The following SLC36A1 variants were observed in gnomAD, a reference collection of about 807,000 sequenced individuals.
The protein encoded by SLC36A1 is solute carrier family 36 member 1, also known as proton-coupled amino acid transporter 1.
In SLC36A1, 30 loss-of-function variants were observed where a neutral mutation model predicts 47.5. That is an observed-to-expected ratio of 0.63 (90% CI 0.47 to 0.86). SLC36A1 has a LOEUF of 0.86. SLC36A1 is among the 40% of genes least tolerant of loss of function. The pLI is 0.00. For synonymous variants in SLC36A1, 255 were observed against 249.7 expected (o/e 1.02, Z -0.20); for missense variants, 517 against 606.0 (o/e 0.85, Z 1.54).
chr5:151,455,687 AGTTTACTTGAACT>A (rs1754393740), intron 1 of SLC36A1, among the ~76,000 whole-genome samples: 3 of 152,230 alleles, frequency 2.0e-5, no homozygotes, highest in African/African-American at 7.2e-5. Context: ...AATTTTTAAC[AGTTTACTTGAACT>A]GTTTACTTGA....
At chr5:151,544,219 C>T in the SLC36A1 span, 145 of 1,614,052 alleles carry the variant, frequency 9.0e-5, no homozygotes, top group South Asian at 2.1e-4. Context: ...GTCACGGTTC[C>T]GCCCTGAGTC....
At chr5:151,529,861 G>T in the SLC36A1 span, among the ~76,000 whole-genome samples, 19 of 152,150 alleles carry the variant, frequency 1.2e-4, no homozygotes, top group Non-Finnish European at 2.4e-4. Context: ...AATTGTTAGG[G>T]CATAGGTTAT....
chr5:151,389,981 C>T, the SLC36A1 span, among the ~76,000 whole-genome samples: 1 of 152,180 alleles, frequency 6.6e-6, no homozygotes, highest in Non-Finnish European at 1.5e-5. Flanking sequence ...TGAGGAATTG[C>T]CACACTGTCT....
chr5:151,454,083 ATTTTTTTTTTTT>A (rs35097474), intron 1 of SLC36A1, among the ~76,000 whole-genome samples: 945 of 88,140 alleles, frequency 0.011, 27 homozygotes, highest in African/African-American at 0.043. Flanking sequence ...GTACACTTAA[ATTTTTTTTTTTT>A]TTTTTTTTTT....
At chr5:151,383,734 G>A in the SLC36A1 span, among the ~76,000 whole-genome samples, 1,008 of 152,016 alleles carry the variant, frequency 6.6e-3, 10 homozygotes, top group African/African-American at 0.022. Flanking sequence ...CATCACGCCT[G>A]GCTAATTTTT....
the SLC36A1 span, among the ~76,000 whole-genome samples, chr5:151,356,339 C>CAAAAAAAAAAAAAA: frequency 3.3e-3 from 167 of 51,220 alleles, 1 homozygote; most frequent in East Asian, 5.1e-3. Flanking sequence ...CTCTGTCTCA[C>CAAAAAAAAAAAAAA]AAAAAAAAAA....
At chr5:151,537,704 TTTC>T in the SLC36A1 span, 1 of 1,333,522 alleles carries the variant, frequency 7.5e-7, no homozygotes, top group East Asian at 2.3e-5. Flanking sequence ...TGAATTCCTG[TTTC>T]TTCTCCAAGG....
the SLC36A1 span, among the ~76,000 whole-genome samples, chr5:151,426,792 A>G: frequency 6.6e-6 from 1 of 152,142 alleles, no homozygotes; most frequent in African/African-American, 2.4e-5. Flanking sequence ...CTCAGTGGGG[A>G]GAAACCTTGG....
chr5:151,365,698 T>A, the SLC36A1 span, among the ~76,000 whole-genome samples: 1 of 152,302 alleles, frequency 6.6e-6, no homozygotes, highest in East Asian at 1.9e-4. Flanking sequence ...AGTGTTTAAA[T>A]CTGACTCCAC....
chr5:151,489,346 G>C lies in SLC36A1; in HGVS notation c.*1092G>C, dbSNP rs1759920841. 6.5e-6 allele frequency: 1 copy of C among 152,682 alleles called. No individual in the cohort carries two copies. The highest frequency in any genetic ancestry group is 6.5e-5 in the Admixed American group (1 of 15,288). The allele number at this position is 152,682 out of a possible 1,614,324, so 9.5% of individuals were successfully genotyped here. A position where few individuals can be genotyped will look rare whatever the true frequency, so the allele number is the denominator to read the frequency against. ...CAGGTGAAAGGATCAGCAATGCTCT[G>C]TTGCCATCGTGCTGGGACGACACCA... On this transcript the variant is annotated 3_prime_UTR_variant, in exon 11 of 11. Transcript: ENST00000243389. The surrounding 1 kb of genome is among the most constrained non-coding windows in gnomAD (Gnocchi z 4.5).
the SLC36A1 span, among the ~76,000 whole-genome samples, chr5:151,536,874 A>G: frequency 6.6e-6 from 1 of 152,184 alleles, no homozygotes; most frequent in Non-Finnish European, 1.5e-5. Flanking sequence ...CTGGGGCCTC[A>G]TTCTTTGTCC....
chr5:151,555,484 C>G, the SLC36A1 span, among the ~76,000 whole-genome samples: 3 of 151,690 alleles, frequency 2.0e-5, no homozygotes, highest in Admixed American at 2.0e-4. Context: ...GCTTCTCCGC[C>G]TCAGCCTCCC....
chr5:151,545,760 G>A, the SLC36A1 span: 3 of 1,614,130 alleles, frequency 1.9e-6, no homozygotes, highest in Non-Finnish European at 2.5e-6. Context: ...CACTGTCAGA[G>A]GCATGAATCA....
chr5:151,348,251 C>T, the SLC36A1 span, among the ~76,000 whole-genome samples: 105 of 152,256 alleles, frequency 6.9e-4, no homozygotes, highest in African/African-American at 2.5e-3. Flanking sequence ...AAGATACTGG[C>T]GCCAGGAGGT....
the SLC36A1 span, among the ~76,000 whole-genome samples, chr5:151,526,378 A>G: frequency 2.6e-5 from 4 of 152,224 alleles, no homozygotes; most frequent in Non-Finnish European, 5.9e-5. Context: ...TTTCTTCCTT[A>G]GAGGACCTGC....
Position 151,488,310 on chromosome 5 carries a change from C to A in SLC36A1, c.*56C>A. On this transcript the variant is annotated 3_prime_UTR_variant, in exon 11 of 11. Transcript: ENST00000243389. ...CCCTGCCCCATGTGTCCCCCGTTAC[C>A]TGTCCTCAGAGCCTCAGGTATGGTC... 6.3e-7 allele frequency: 1 copy of A among 1,583,850 alleles called. No homozygotes were observed. Among genetic ancestry groups the A allele is most frequent in the Non-Finnish European group, 8.6e-7 (1 of 1,162,626 alleles).
At chr5:151,420,637 T>C in the SLC36A1 span, among the ~76,000 whole-genome samples, 2 of 152,134 alleles carry the variant, frequency 1.3e-5, no homozygotes, top group South Asian at 2.1e-4. Flanking sequence ...TTTAAAAATA[T>C]AGCAGTAATA....
At chr5:151,469,699 T>C (rs1005083000) in intron 7 of SLC36A1, among the ~76,000 whole-genome samples, 2 of 152,074 alleles carry the variant, frequency 1.3e-5, no homozygotes, top group Non-Finnish European at 2.9e-5. Flanking sequence ...GAGACTCCCT[T>C]CCACAGTATT....
At chr5:151,362,724 G>A in the SLC36A1 span, among the ~76,000 whole-genome samples, 1 of 152,146 alleles carries the variant, frequency 6.6e-6, no homozygotes, top group Non-Finnish European at 1.5e-5. Context: ...GAGACTCTCT[G>A]ATGAGTTTTT....
Sources: allele counts gnomAD v4.1 joint callset (sites outside exome capture counted in the v4.1 genomes callset), GRCh38; gene constraint gnomAD v4.1.1; non-coding constraint Gnocchi (gnomAD v3.1); transcripts MANE v1.5; gene names NCBI Gene and HGNC (gene_info 2026-07-23, HGNC 2026-07-21).